The following RASAL2 variants were observed in gnomAD, a reference collection of about 807,000 sequenced individuals.
The protein encoded by RASAL2 is ras GTPase-activating protein nGAP.
A neutral mutation model predicts 128.9 loss-of-function variants in RASAL2; 58 were observed. That is an observed-to-expected ratio of 0.45 (90% CI 0.36 to 0.56). RASAL2 has a LOEUF of 0.56. Among genes scored for constraint, RASAL2 ranks in the 20% least tolerant of loss-of-function variants. The probability of loss-of-function intolerance (pLI) is 0.00; values close to 1 mark genes in which losing one functional copy is unlikely to be tolerated. For missense variants in RASAL2, 1,360 were observed against 1,601.6 expected, an observed-to-expected ratio of 0.85 and a Z score of 2.57; for synonymous variants, 561 against 580.8, an observed-to-expected ratio of 0.97 and a Z score of 0.49.
intron 1 of RASAL2, among the ~76,000 whole-genome samples, chr1:178,211,379 G>A (rs1215404399): frequency 6.6e-6 from 1 of 151,990 alleles, no homozygotes; most frequent in Non-Finnish European, 1.5e-5. Context: ...TTGCCAGAAA[G>A]AGCTTTCTTA....
At chr1:178,266,419 T>G (rs964412706) in intron 1 of RASAL2, among the ~76,000 whole-genome samples, 2 of 152,228 alleles carry the variant, frequency 1.3e-5, no homozygotes, top group African/African-American at 4.8e-5. Flanking sequence ...ATTCAGCTGG[T>G]TTGTCTGCCC....
chr1:178,249,438 C>T (rs1347308564), intron 1 of RASAL2, among the ~76,000 whole-genome samples: 2 of 152,000 alleles, frequency 1.3e-5, no homozygotes, highest in African/African-American at 4.8e-5. Flanking sequence ...TTAGCAGTTC[C>T]TGTAACCTTT....
chr1:178,390,239 A>C (rs1672818579), intron 4 of RASAL2, 33 bp downstream of exon 4: 1 of 1,509,302 alleles, frequency 6.6e-7, no homozygotes, highest in Non-Finnish European at 9.1e-7. Flanking sequence ...AGAATATTTT[A>C]CTTTTCCTTT....
chr1:178,468,706 T>C (rs540532969), intron 17 of RASAL2, among the ~76,000 whole-genome samples: 2 of 152,328 alleles, frequency 1.3e-5, no homozygotes, highest in East Asian at 3.9e-4. Flanking sequence ...GTAGTAATTA[T>C]CTTACTTGGT....
chr1:178,453,825 G>C (rs1206637825), intron 11 of RASAL2, among the ~76,000 whole-genome samples: 1 of 152,136 alleles, frequency 6.6e-6, no homozygotes, highest in Non-Finnish European at 1.5e-5. Context: ...GAACTTCAGT[G>C]AACAGATTGT....
chr1:178,462,821 T>A (rs146628405), intron 14 of RASAL2, among the ~76,000 whole-genome samples: 26 of 152,328 alleles, frequency 1.7e-4, no homozygotes, highest in Non-Finnish European at 3.2e-4. Flanking sequence ...GGTCTATTTA[T>A]ATAAACTATG....
intron 1 of RASAL2, among the ~76,000 whole-genome samples, chr1:178,130,454 A>G (rs569716430): frequency 3.7e-4 from 56 of 152,376 alleles, no homozygotes; most frequent in African/African-American, 1.3e-3. Flanking sequence ...ATCTTACATA[A>G]TCTCAACTAT....
chr1:178,247,958 T>C (rs923767444), intron 1 of RASAL2, among the ~76,000 whole-genome samples: 2 of 152,192 alleles, frequency 1.3e-5, no homozygotes, highest in Non-Finnish European at 2.9e-5. Flanking sequence ...TTCCATTCTT[T>C]TGCATTTACT....
At chr1:178,433,640 T>C (rs1217652902) in intron 5 of RASAL2, among the ~76,000 whole-genome samples, 2 of 152,190 alleles carry the variant, frequency 1.3e-5, no homozygotes, top group African/African-American at 4.8e-5. Flanking sequence ...TTGCCAAGCA[T>C]GTTGGCTCAC....
intron 1 of RASAL2, among the ~76,000 whole-genome samples, chr1:178,201,293 A>T (rs1662858746): frequency 6.6e-6 from 1 of 152,158 alleles, no homozygotes; most frequent in African/African-American, 2.4e-5. Context: ...TGGTTAGGTG[A>T]ATTGTGAATT....
intron 4 of RASAL2, among the ~76,000 whole-genome samples, chr1:178,417,826 C>G (rs1674869036): frequency 6.7e-6 from 1 of 149,012 alleles, no homozygotes; most frequent in African/African-American, 2.5e-5. Context: ...AATTAGTAGA[C>G]AGTCTACTAA....
intron 5 of RASAL2, among the ~76,000 whole-genome samples, chr1:178,430,817 T>C (rs1408421610): frequency 6.6e-6 from 1 of 151,962 alleles, no homozygotes; most frequent in African/African-American, 2.4e-5. Flanking sequence ...TTTGAGTGTT[T>C]TTTTCCATTA....
chr1:178,417,110 T>C (rs1196389540), intron 4 of RASAL2, among the ~76,000 whole-genome samples: 1 of 152,076 alleles, frequency 6.6e-6, no homozygotes, highest in Non-Finnish European at 1.5e-5. Context: ...TTCTTTCTCT[T>C]TTCTCCTTTT....
intron 1 of RASAL2, among the ~76,000 whole-genome samples, chr1:178,206,390 A>G (rs1020663520): frequency 1.3e-5 from 2 of 152,204 alleles, no homozygotes; most frequent in African/African-American, 4.8e-5. Flanking sequence ...TCAGCTAAGG[A>G]TTATTGATAA....
rs1669525693 is a variant in RASAL2, at chr1:178,335,153, C to T, written c.457+35035C>T. On this transcript the variant is annotated intron_variant, in intron 3 of 17. Transcript: ENST00000367649. ...AGTACCACAGATCAATTTTTTTTTC[C>T]TTAAGAACTTAAATTTTCCTTTGGG... 3.3e-5 allele frequency among the ~76,000 whole-genome samples: 5 copies of T among 150,698 alleles called. No individual in the cohort carries two copies. The South Asian group carries it at 1.0e-3, about 31-fold the overall frequency.
At chr1:178,354,446 A>G (rs949470699) in intron 3 of RASAL2, among the ~76,000 whole-genome samples, 3 of 152,230 alleles carry the variant, frequency 2.0e-5, no homozygotes, top group African/African-American at 7.2e-5. Flanking sequence ...TGGGATGTCC[A>G]TTATTATCCT....
chr1:178,260,350 C>CA (rs1243797175), intron 1 of RASAL2, among the ~76,000 whole-genome samples: 10 of 434 alleles, frequency 0.023, 1 homozygote, highest in East Asian at 0.25. Flanking sequence ...AGACTCGTCT[C>CA]AAAAAAAAAA....
chr1:178,309,744 A>G (rs1296893306), intron 3 of RASAL2, among the ~76,000 whole-genome samples: 1 of 152,196 alleles, frequency 6.6e-6, no homozygotes, highest in Non-Finnish European at 1.5e-5. Context: ...TAACACACAA[A>G]AAAGTGATAA....
chr1:178,401,712 T>C (rs1673642289), intron 4 of RASAL2, among the ~76,000 whole-genome samples: 1 of 152,126 alleles, frequency 6.6e-6, no homozygotes, highest in African/African-American at 2.4e-5. Flanking sequence ...GACAATACAG[T>C]CAACAGAAGT....
Sources: gnomAD v4.1 joint callset for allele counts (sites outside exome capture counted in the v4.1 genomes callset) on GRCh38, gnomAD v4.1.1 for gene constraint, MANE v1.5 for transcripts, NCBI Gene and HGNC (gene_info 2026-07-23, HGNC 2026-07-21) for gene names.